The following BCAS3 variants were observed in gnomAD, a reference collection of about 807,000 sequenced individuals.
The protein encoded by BCAS3 is BCAS4/BCAS3 fusion.
In BCAS3, 53 loss-of-function variants were observed where a neutral mutation model predicts 116.1. The ratio of observed to expected loss-of-function variants is 0.46; its 90% CI spans 0.37 to 0.57. The LOEUF is 0.57. Among genes scored for constraint, BCAS3 ranks in the 20% least tolerant of loss-of-function variants. BCAS3 has a pLI of 0.00. For missense variants in BCAS3, 917 were observed against 1,165.4 expected, an observed-to-expected ratio of 0.79 and a Z score of 3.10; for synonymous variants, 391 against 408.2, an observed-to-expected ratio of 0.96 and a Z score of 0.51.
At chr17:61,044,446 CAAAAAAAA>C (rs1223902392) in intron 19 of BCAS3, among the ~76,000 whole-genome samples, 1 of 82,824 alleles carries the variant, frequency 1.2e-5, no homozygotes, top group African/African-American at 6.4e-5. Flanking sequence ...GACTCTGTCT[CAAAAAAAA>C]AAAAAAAAAA....
intron 14 of BCAS3, among the ~76,000 whole-genome samples, chr17:60,975,205 G>A (rs973889830): frequency 4.6e-5 from 7 of 151,742 alleles, no homozygotes; most frequent in Admixed American, 4.6e-4. Flanking sequence ...GTTTCACCTT[G>A]TTAGCCAGGA....
intron 16 of BCAS3, 71 bp downstream of exon 16, chr17:61,015,972 T>A: frequency 6.9e-7 from 1 of 1,444,106 alleles, no homozygotes; most frequent in Non-Finnish European, 9.5e-7. Context: ...TAAAACATAC[T>A]TTTTCTTTGT....
chr17:60,915,143 TCA>T (rs1473868191), intron 12 of BCAS3, among the ~76,000 whole-genome samples: 1 of 152,196 alleles, frequency 6.6e-6, no homozygotes, highest in Non-Finnish European at 1.5e-5. Flanking sequence ...AATTATAGAC[TCA>T]CAGTGAGTTG....
At chr17:61,291,209 TAAAC>T (rs545870502) in intron 22 of BCAS3, among the ~76,000 whole-genome samples, 2 of 152,298 alleles carry the variant, frequency 1.3e-5, no homozygotes, top group Admixed American at 6.5e-5. Context: ...ATTGGTGATT[TAAAC>T]AAACAAACAA....
chr17:61,116,283 TA>T (rs2075446054), intron 22 of BCAS3, among the ~76,000 whole-genome samples: 1 of 151,706 alleles, frequency 6.6e-6, no homozygotes, highest in African/African-American at 2.4e-5. Flanking sequence ...TAAAATAAAA[TA>T]AAAATTATGA....
rs578248268 is a variant in BCAS3, at chr17:60,823,115, A to G, written c.476+15039A>G. On this transcript the variant is annotated intron_variant, in intron 7 of 23. Transcript: ENST00000407086. ...ATACAGCAATAGATACATGAACCAT[A>G]GTAACCATATTTGTATTAAAACAAA... 6.6e-5 allele frequency among the ~76,000 whole-genome samples: 10 copies of G among 152,358 alleles called. No individual in the cohort carries two copies. The South Asian group carries it at 1.0e-3, about 16-fold the overall frequency.
intron 3 of BCAS3, among the ~76,000 whole-genome samples, chr17:60,689,221 T>C (rs1204554847): frequency 3.3e-5 from 5 of 152,220 alleles, no homozygotes; most frequent in Admixed American, 6.5e-5. Flanking sequence ...TCGCCTAGGC[T>C]GGAGTGCGGT....
At chr17:60,739,465 C>T (rs139036652) in intron 5 of BCAS3, among the ~76,000 whole-genome samples, 165 of 152,066 alleles carry the variant, frequency 1.1e-3, no homozygotes, top group African/African-American at 3.8e-3. Flanking sequence ...ACTAAAACTA[C>T]GAAAATTAGC....
chr17:61,338,710 C>T (rs1283539982), intron 22 of BCAS3, among the ~76,000 whole-genome samples: 1 of 152,026 alleles, frequency 6.6e-6, no homozygotes, highest in East Asian at 1.9e-4. Flanking sequence ...TTGGATCTGG[C>T]AGTGCAGGCC....
rs2080984494 is a variant in BCAS3 at position 61,203,981 on chromosome 17, C to T, written c.2425+119417C>T. On this transcript the variant is annotated intron_variant, in intron 22 of 23. Transcript: ENST00000407086. This position sits in a 1 kb window ranked among gnomAD's most constrained non-coding sequence, Gnocchi z 5.7. ...GGCAGTGCCCGGCCCCCTTCTTTCA[C>T]AGCTGGGGTTTTGGCAGCCTGTCCT... 6.6e-6 allele frequency among the ~76,000 whole-genome samples: 1 copy of T among 152,214 alleles called. No individual in the cohort carries two copies. Among genetic ancestry groups the T allele is most frequent in the Non-Finnish European group, 1.5e-5 (1 of 68,034 alleles).
At chr17:61,331,181 C>A (rs923449501) in intron 22 of BCAS3, among the ~76,000 whole-genome samples, 2 of 152,112 alleles carry the variant, frequency 1.3e-5, no homozygotes, top group African/African-American at 4.8e-5. Flanking sequence ...GAAGCCTCAG[C>A]ACACAGGGGT....
chr17:60,974,736 A>G (rs559719357), intron 14 of BCAS3, among the ~76,000 whole-genome samples: 1 of 152,312 alleles, frequency 6.6e-6, no homozygotes, highest in East Asian at 1.9e-4. Flanking sequence ...AATTTGCAAA[A>G]CATTTAATTA....
At chr17:60,805,484 T>A (rs1382037440) in intron 6 of BCAS3, among the ~76,000 whole-genome samples, 2 of 152,206 alleles carry the variant, frequency 1.3e-5, no homozygotes, top group Non-Finnish European at 2.9e-5. Context: ...CAAATTTTTA[T>A]TTCATAAAAT....
intron 9 of BCAS3, among the ~76,000 whole-genome samples, chr17:60,884,612 T>C (rs1367737383): frequency 1.4e-5 from 2 of 143,242 alleles, no homozygotes; most frequent in African/African-American, 5.5e-5. Context: ...CACACTGCTT[T>C]GAATGCGTCC....
At chr17:60,747,423 T>C in intron 6 of BCAS3, 144 bp downstream of exon 6, 3 of 630,042 alleles carry the variant, frequency 4.8e-6, no homozygotes, top group Non-Finnish European at 8.4e-6. Flanking sequence ...AAAGATAAAC[T>C]TAGTTCTGTC....
At chr17:60,875,422 A>C (rs185668508) in intron 9 of BCAS3, among the ~76,000 whole-genome samples, 9 of 152,218 alleles carry the variant, frequency 5.9e-5, no homozygotes, top group Admixed American at 3.3e-4. Flanking sequence ...AAGCCTTGGA[A>C]AATATATTGG....
chr17:61,187,973 G>T (rs2079878558), intron 22 of BCAS3, among the ~76,000 whole-genome samples: 1 of 151,642 alleles, frequency 6.6e-6, no homozygotes, highest in African/African-American at 2.4e-5. Context: ...TTTCTATTCA[G>T]ATTTCTTTCT....
intron 22 of BCAS3, among the ~76,000 whole-genome samples, chr17:61,359,000 C>A (rs1380351039): frequency 1.3e-5 from 2 of 152,164 alleles, no homozygotes; most frequent in East Asian, 3.9e-4. Context: ...CTCCTACTCT[C>A]CTGTGCCCCC....
At chr17:61,177,654 C>T (rs2079222575) in intron 22 of BCAS3, among the ~76,000 whole-genome samples, 1 of 152,154 alleles carries the variant, frequency 6.6e-6, no homozygotes, top group African/African-American at 2.4e-5. Context: ...TGGGTGTATA[C>T]ATATGTTAAA....
Sources: gnomAD v4.1 joint callset for allele counts (sites outside exome capture counted in the v4.1 genomes callset) on GRCh38, gnomAD v4.1.1 for gene constraint, Gnocchi (gnomAD v3.1) non-coding constraint, MANE v1.5 for transcripts, NCBI Gene and HGNC (gene_info 2026-07-23, HGNC 2026-07-21) for gene names.